EIF4G3: variants seen among roughly 807,000 people sequenced by gnomAD.
EIF4G3 encodes the protein eIF-4-gamma 3.
Under a neutral mutation model 186.4 loss-of-function variants are expected in EIF4G3, and 34 were observed. The ratio of observed to expected loss-of-function variants is 0.18; its 90% CI spans 0.14 to 0.24. EIF4G3 has a LOEUF of 0.24. Among genes scored for constraint, EIF4G3 ranks in the 10% least tolerant of loss-of-function variants. The pLI, the probability that EIF4G3 is intolerant of heterozygous loss-of-function variation, is 1.00. For synonymous variants in EIF4G3, 673 were observed against 679.5 expected (o/e 0.99, Z 0.15); for missense variants, 1,536 against 1,948.5 (o/e 0.79, Z 3.99).
rs912297425 is a variant in EIF4G3, at chr1:20,981,743, CACAT to C, written c.199-520_199-517del. 1.4e-4 allele frequency among the ~76,000 whole-genome samples: 17 copies of C among 118,040 alleles called. No homozygotes were observed. In the East Asian group the frequency reaches 3.0e-3, roughly 21 times the overall value. 77.4% of individuals were successfully genotyped at this position (118,040 alleles called of 152,430 possible). A position where few individuals can be genotyped will look rare whatever the true frequency, so the allele number is the denominator to read the frequency against. Reference sequence around the variant, plus strand: ...CATGTATACGCACATACTGTATATACACATACATATATGTATACACACATACTGT... The same window carrying C: ...CATGTATACGCACATACTGTATATACACATATATGTATACACACATACTGT... On this transcript the variant is annotated intron_variant, in intron 8 of 36. Transcript: ENST00000602326.
chr1:20,837,248 C>T (rs1299949177), intron 30 of EIF4G3, among the ~76,000 whole-genome samples: 1 of 152,002 alleles, frequency 6.6e-6, no homozygotes, highest in Non-Finnish European at 1.5e-5. Context: ...TCTCTGTTGC[C>T]AGGCTGGAGT....
chr1:21,170,222 T>C (rs1015645609), intron 2 of EIF4G3, among the ~76,000 whole-genome samples: 8 of 150,114 alleles, frequency 5.3e-5, no homozygotes, highest in African/African-American at 1.9e-4. Context: ...AACAAATAAA[T>C]TTACAGACTG....
intron 2 of EIF4G3, among the ~76,000 whole-genome samples, chr1:21,096,115 G>T (rs2101627426): frequency 6.6e-6 from 1 of 152,222 alleles, no homozygotes; most frequent in African/African-American, 2.4e-5. Flanking sequence ...TGCCCACCTT[G>T]CACAATAGCA....
At position 20,845,458 on chromosome 1, in the gene EIF4G3, C is replaced by T. The variant is rs529525230; in HGVS notation, c.3888+3957G>A. On this transcript the variant is annotated intron_variant, in intron 29 of 36. Coordinates refer to ENST00000602326, the MANE Select transcript of EIF4G3 (RefSeq NM_001391906.1). ...AGGGCGGATCACAAGGTCAGGAGAT[C>T]AAGACCATCCTGGCTAACACCGTGA... Among the ~76,000 whole-genome samples the T allele has an allele frequency of 8.5e-5, 13 of 152,170 alleles. No individual in the cohort carries two copies. The East Asian group carries it at 2.3e-3, about 27-fold the overall frequency.
chr1:20,836,421 AT>A (rs374956099), intron 30 of EIF4G3, among the ~76,000 whole-genome samples: 3 of 150,638 alleles, frequency 2.0e-5, no homozygotes, highest in African/African-American at 7.3e-5. Flanking sequence ...TTTTTTGTTA[AT>A]TTTTTTTACA....
intron 4 of EIF4G3, among the ~76,000 whole-genome samples, chr1:21,037,605 G>A (rs146675978): frequency 5.9e-5 from 9 of 152,258 alleles, no homozygotes; most frequent in Non-Finnish European, 7.4e-5. Flanking sequence ...TACAGACCAC[G>A]ATGCAAAGCA....
intron 14 of EIF4G3, among the ~76,000 whole-genome samples, chr1:20,928,201 A>G (rs2095055986): frequency 6.6e-6 from 1 of 152,286 alleles, no homozygotes; most frequent in Non-Finnish European, 1.5e-5. Flanking sequence ...TGTATACACT[A>G]TATAAGTAAT....
intron 3 of EIF4G3, among the ~76,000 whole-genome samples, chr1:21,086,444 T>C (rs889873629): frequency 6.6e-6 from 1 of 152,164 alleles, no homozygotes; most frequent in Non-Finnish European, 1.5e-5. Context: ...TATTATGTCA[T>C]AGTGAACTGT....
chr1:20,853,430 T>A, intron 27 of EIF4G3, 130 bp downstream of exon 27: 1 of 596,474 alleles, frequency 1.7e-6, no homozygotes, highest in South Asian at 2.2e-5. Context: ...GTGTGAAGAT[T>A]AAAGAAATCA....
At chr1:20,819,380 C>T (rs778422562) in intron 33 of EIF4G3, among the ~76,000 whole-genome samples, 2 of 151,220 alleles carry the variant, frequency 1.3e-5, no homozygotes, top group Non-Finnish European at 2.9e-5. Context: ...TGCAGTGGCA[C>T]TATCAAGGCT....
intron 2 of EIF4G3, among the ~76,000 whole-genome samples, chr1:21,130,452 C>A (rs2097133522): frequency 6.6e-6 from 1 of 151,888 alleles, no homozygotes; most frequent in Admixed American, 6.6e-5. Flanking sequence ...TGGTCTTGAA[C>A]TCCTGACCTC....
intron 4 of EIF4G3, among the ~76,000 whole-genome samples, chr1:21,010,221 C>T (rs1031879494): frequency 1.1e-4 from 16 of 151,952 alleles, no homozygotes; most frequent in African/African-American, 3.6e-4. Flanking sequence ...TTAAGGCAGG[C>T]GGATCACGAG....
intron 29 of EIF4G3, among the ~76,000 whole-genome samples, chr1:20,845,294 C>G (rs1006395470): frequency 2.6e-5 from 4 of 152,146 alleles, no homozygotes; most frequent in African/African-American, 9.7e-5. Context: ...TCTGGGTTCT[C>G]TATTCCGTTC....
At chr1:21,064,196 T>C (rs1291389176) in intron 3 of EIF4G3, among the ~76,000 whole-genome samples, 1 of 152,032 alleles carries the variant, frequency 6.6e-6, no homozygotes, top group Non-Finnish European at 1.5e-5. Context: ...CTATCCTTTG[T>C]GCCCTGCAGC....
chr1:21,054,338 G>GCCGGAAGGC (rs1203359955), intron 3 of EIF4G3, among the ~76,000 whole-genome samples: 1 of 133,362 alleles, frequency 7.5e-6, no homozygotes, highest in East Asian at 2.3e-4. Context: ...ACTGCGGAAG[G>GCCGGAAGGC]CCGCAGGGTC....
intron 35 of EIF4G3, among the ~76,000 whole-genome samples, 160 bp downstream of exon 35, chr1:20,812,998 G>A (rs1029282453): frequency 2.0e-5 from 3 of 152,180 alleles, no homozygotes; most frequent in Non-Finnish European, 2.9e-5. Context: ...TTGTCTCCAC[G>A]CTTGAGACAA....
At chr1:20,870,288 T>TA (rs1405080720) in intron 20 of EIF4G3, among the ~76,000 whole-genome samples, 1 of 152,116 alleles carries the variant, frequency 6.6e-6, no homozygotes, top group East Asian at 1.9e-4. Context: ...TTTAAACACT[T>TA]AAAGTGGCAA....
chr1:20,879,126 T>G (rs2081623868), intron 20 of EIF4G3, among the ~76,000 whole-genome samples, 197 bp downstream of exon 20: 1 of 152,192 alleles, frequency 6.6e-6, no homozygotes, highest in African/African-American at 2.4e-5. Flanking sequence ...CAGTCCAGAC[T>G]TCATATCCCC....
At chr1:21,059,434 G>C (rs2094764420) in intron 3 of EIF4G3, among the ~76,000 whole-genome samples, 1 of 151,952 alleles carries the variant, frequency 6.6e-6, no homozygotes, top group South Asian at 2.1e-4. Context: ...CTAAATAAAA[G>C]CTGGTCTGCT....
Sources: allele counts gnomAD v4.1 joint callset (sites outside exome capture counted in the v4.1 genomes callset), GRCh38; gene constraint gnomAD v4.1.1; transcripts MANE v1.5; gene names NCBI Gene and HGNC (gene_info 2026-07-23, HGNC 2026-07-21).